The following RIMBP2 variants were observed in gnomAD, a reference collection of about 807,000 sequenced individuals.
RIMBP2 encodes the protein RIMS-binding protein 2.
A neutral mutation model predicts 118.6 loss-of-function variants in RIMBP2; 48 were observed. The ratio of observed to expected loss-of-function variants is 0.40; its 90% CI spans 0.32 to 0.51. The LOEUF (loss-of-function observed/expected upper bound fraction) is 0.51. Ranked by LOEUF, RIMBP2 falls within the 20% of genes least tolerant of loss-of-function variation. RIMBP2 has a pLI of 0.41. For missense variants in RIMBP2, 1,551 were observed against 1,768.3 expected (o/e 0.88, Z 2.20); for synonymous variants, 762 against 742.9 (o/e 1.03, Z -0.42).
At chr12:130,551,292 G>T (rs954398182) in intron 2 of RIMBP2, among the ~76,000 whole-genome samples, 9 of 152,216 alleles carry the variant, frequency 5.9e-5, no homozygotes, top group Non-Finnish European at 1.2e-4. Flanking sequence ...GCTGGCATCA[G>T]AGGGGCTTAA....
intron 5 of RIMBP2, among the ~76,000 whole-genome samples, chr12:130,471,449 G>A (rs976013883): frequency 6.6e-6 from 1 of 152,184 alleles, no homozygotes; most frequent in African/African-American, 2.4e-5. Context: ...AGGACCTGTC[G>A]TGTTTCAATG....
In RIMBP2 at chr12:130,405,677, G is replaced by T. The variant is rs542560197; in HGVS notation, c.3765+495C>A. ...CCAGGAATCACCAGCAGCAAGGGGT[G>T]GGGGCGGGGTGGGGGGTTCCAAGCT... is the stretch of plus-strand genomic sequence containing the variant. On this transcript the variant is annotated intron_variant, in intron 21 of 22. Coordinates refer to ENST00000690449, the MANE Select transcript of RIMBP2 (RefSeq NM_001393629.1). Among the ~76,000 whole-genome samples, 5 of 152,112 alleles carry T rather than the reference G, an allele frequency of 3.3e-5. No individual in the cohort carries two copies. In the South Asian group the frequency reaches 8.3e-4, roughly 25 times the overall value.
At chr12:130,606,456 G>A (rs1268818519) in intron 2 of RIMBP2, among the ~76,000 whole-genome samples, 1 of 152,238 alleles carries the variant, frequency 6.6e-6, no homozygotes, top group East Asian at 1.9e-4. Context: ...TTCCACGCAA[G>A]GAGGCAGGTC....
chr12:130,486,347 C>T (rs1277459429), intron 4 of RIMBP2, among the ~76,000 whole-genome samples: 1 of 152,180 alleles, frequency 6.6e-6, no homozygotes, highest in African/African-American at 2.4e-5. Flanking sequence ...TGACCTCCCG[C>T]TGATCTCTAA....
In RIMBP2 at chr12:130,434,638, G is replaced by A. The variant is rs955663915; in HGVS notation, c.2253+96C>T. ...CTCCATCTCTCTCAGGGACCCAAGGGTAGCGGGGAAAGTGCCCATGTCTCT... is the reference window on the plus strand; with the variant it reads ...CTCCATCTCTCTCAGGGACCCAAGGATAGCGGGGAAAGTGCCCATGTCTCT... On this transcript the variant is annotated intron_variant, in intron 14 of 22. Transcript: ENST00000690449. The surrounding 1 kb of genome is among the most constrained non-coding windows in gnomAD (Gnocchi z 5.7). 4 of 1,338,434 alleles carry A rather than the reference G, an allele frequency of 3.0e-6. No individual in the cohort carries two copies. The highest frequency in any genetic ancestry group is 4.0e-6 in the Non-Finnish European group (4 of 997,248). 82.9% of individuals were successfully genotyped at this position (1,338,434 alleles called of 1,614,324 possible).
chr12:130,445,295 T>C (rs1230778783), intron 9 of RIMBP2, 26 bp from the exon 10 acceptor site: 2 of 1,557,348 alleles, frequency 1.3e-6, no homozygotes, highest in Non-Finnish European at 1.8e-6. Flanking sequence ...AGTTCCTTCA[T>C]TAGAGGCTCT....
intron 14 of RIMBP2, among the ~76,000 whole-genome samples, chr12:130,433,719 G>A (rs550912256): frequency 1.6e-4 from 25 of 152,238 alleles, no homozygotes; most frequent in Non-Finnish European, 3.2e-4. Context: ...CCTTCTTGGG[G>A]TGTTCTCATA....
chr12:130,695,192 G>A (rs1205907232), intron 1 of RIMBP2, among the ~76,000 whole-genome samples: 1 of 152,162 alleles, frequency 6.6e-6, no homozygotes, highest in East Asian at 1.9e-4. Context: ...CCTGCCTGGA[G>A]CCTTCCCTGG....
rs141080486 is a variant in RIMBP2, at chr12:130,447,071, CGGA to C, written c.582-1805_582-1803del. 9.8e-4 allele frequency among the ~76,000 whole-genome samples: 147 copies of C among 149,784 alleles called. No homozygotes were observed. The highest frequency in any genetic ancestry group is 7.7e-3 in the South Asian group (36 of 4,698). On this transcript the variant is annotated intron_variant, in intron 9 of 22. Coordinates refer to ENST00000690449, the MANE Select transcript of RIMBP2 (RefSeq NM_001393629.1). The surrounding 1 kb of genome is among the most constrained non-coding windows in gnomAD (Gnocchi z 4.4). ...GACACAGAAGCTGGCAGAGTGTTCT[CGGA>C]GGAGGAGGAGGAGGAGGAGGGAGCG...
chr12:130,663,066 G>C (rs1336516932), intron 1 of RIMBP2, among the ~76,000 whole-genome samples: 22 of 152,214 alleles, frequency 1.4e-4, no homozygotes, highest in Non-Finnish European at 1.9e-4. Flanking sequence ...TGGTTCCCAC[G>C]TGCGGCCAAG....
Position 130,421,149 on chromosome 12 carries a change from A to G in RIMBP2, c.3238+1304T>C, listed in dbSNP as rs117481597. ...ACATGAAAGCCAGGAGAACCGATTT[A>G]TTAAGCTCCATAGTCCCTCCAGAGG... On this transcript the variant is annotated intron_variant, in intron 17 of 22. Coordinates refer to ENST00000690449, the MANE Select transcript of RIMBP2 (RefSeq NM_001393629.1). 37 of 151,052 alleles carry G rather than the reference A, an allele frequency of 2.4e-4. No homozygotes were observed. The East Asian group carries it at 6.9e-3, about 28-fold the overall frequency. 9.4% of individuals were successfully genotyped at this position (151,052 alleles called of 1,614,324 possible).
chr12:130,613,117 T>C (rs1171909367), intron 2 of RIMBP2, among the ~76,000 whole-genome samples: 2 of 152,152 alleles, frequency 1.3e-5, no homozygotes, highest in African/African-American at 4.8e-5. Context: ...CGAGTGTCCT[T>C]TGGAAAGTCG....
At chr12:130,555,915 AC>A (rs1227645042) in intron 2 of RIMBP2, among the ~76,000 whole-genome samples, 1 of 152,224 alleles carries the variant, frequency 6.6e-6, no homozygotes, top group Non-Finnish European at 1.5e-5. Context: ...TCTCAGAAAT[AC>A]ATTTCAATGA....
chr12:130,689,845 C>T (rs1470136330), intron 1 of RIMBP2, among the ~76,000 whole-genome samples: 1 of 152,224 alleles, frequency 6.6e-6, no homozygotes, highest in African/African-American at 2.4e-5. Flanking sequence ...GCTCATAGCT[C>T]TGTGGGTCAG....
chr12:130,700,556 G>C (rs1021438987), intron 1 of RIMBP2, among the ~76,000 whole-genome samples: 1 of 152,216 alleles, frequency 6.6e-6, no homozygotes, highest in African/African-American at 2.4e-5. Context: ...GCAGGAGAAG[G>C]CCATGTGGAG....
chr12:130,616,123 C>T (rs1344801540), intron 2 of RIMBP2, among the ~76,000 whole-genome samples: 2 of 152,136 alleles, frequency 1.3e-5, no homozygotes, highest in African/African-American at 2.4e-5. Flanking sequence ...TCTGATGTTA[C>T]AGATCACAAC....
chr12:130,491,324 C>T (rs2048619543), intron 4 of RIMBP2, among the ~76,000 whole-genome samples: 1 of 152,198 alleles, frequency 6.6e-6, no homozygotes, highest in Admixed American at 6.5e-5. Context: ...CCAGGATTTG[C>T]ACCTAGCGAG....
At chr12:130,402,155 C>T (rs939823125) in intron 21 of RIMBP2, among the ~76,000 whole-genome samples, 1 of 152,196 alleles carries the variant, frequency 6.6e-6, no homozygotes, top group South Asian at 2.1e-4. Context: ...CGTGCTACTG[C>T]GTCCAAAGTG....
At chr12:130,611,454 A>C (rs565355725) in intron 2 of RIMBP2, among the ~76,000 whole-genome samples, 1 of 152,250 alleles carries the variant, frequency 6.6e-6, no homozygotes, top group South Asian at 2.1e-4. Flanking sequence ...GGGCCGCTTC[A>C]TTTACCCGCA....
Sources: allele counts gnomAD v4.1 joint callset (sites outside exome capture counted in the v4.1 genomes callset), GRCh38; gene constraint gnomAD v4.1.1; non-coding constraint Gnocchi (gnomAD v3.1); transcripts MANE v1.5; gene names NCBI Gene and HGNC (gene_info 2026-07-23, HGNC 2026-07-21).